The following LMBRD2 variants were observed in gnomAD, a reference collection of about 807,000 sequenced individuals.
The protein encoded by LMBRD2 is G protein-coupled receptor-associated protein LMBRD2.
In LMBRD2, 55 loss-of-function variants were observed where a neutral mutation model predicts 94.4. That is an observed-to-expected ratio of 0.58 (90% confidence interval 0.47 to 0.73). The LOEUF is 0.73. LMBRD2 is among the 30% of genes least tolerant of loss of function. The pLI, the probability that LMBRD2 is intolerant of heterozygous loss-of-function variation, is 0.00. For synonymous variants in LMBRD2, 246 were observed against 272.4 expected (o/e 0.90, Z 0.95); for missense variants, 640 against 831.9 (o/e 0.77, Z 2.84).
intron 6 of LMBRD2, among the ~76,000 whole-genome samples, chr5:36,132,298 A>T (rs1744173542): frequency 6.6e-6 from 1 of 152,120 alleles, no homozygotes; most frequent in Non-Finnish European, 1.5e-5. Flanking sequence ...CCCCATATAT[A>T]AAAATCAAAT....
At chr5:36,139,460 C>T (rs750491937) in intron 4 of LMBRD2, among the ~76,000 whole-genome samples, 7 of 152,160 alleles carry the variant, frequency 4.6e-5, no homozygotes, top group East Asian at 3.9e-4. Context: ...GGCAGGTCCC[C>T]GGTGAAGCCC....
intron 16 of LMBRD2, among the ~76,000 whole-genome samples, chr5:36,105,521 A>G (rs1321484186): frequency 2.6e-5 from 4 of 152,154 alleles, no homozygotes; most frequent in Admixed American, 6.5e-5. Context: ...TTTATTAACA[A>G]AAGTAGTTTG....
At chr5:36,133,775 G>A (rs1489638814) in intron 6 of LMBRD2, among the ~76,000 whole-genome samples, 1 of 151,964 alleles carries the variant, frequency 6.6e-6, no homozygotes, top group East Asian at 1.9e-4. Context: ...TCCAATGCTG[G>A]TCCTTAATTT....
chr5:36,134,377 G>A (rs1744221460), intron 6 of LMBRD2, among the ~76,000 whole-genome samples: 1 of 152,042 alleles, frequency 6.6e-6, no homozygotes, highest in African/African-American at 2.4e-5. Flanking sequence ...TTAAGAGTCT[G>A]GACAATCAGG....
At chr5:36,135,378 C>CTTGAT (rs1744247370) in intron 6 of LMBRD2, among the ~76,000 whole-genome samples, 1 of 152,112 alleles carries the variant, frequency 6.6e-6, no homozygotes, top group African/African-American at 2.4e-5. Flanking sequence ...ATAATTATCA[C>CTTGAT]CATTACTAAG....
intron 12 of LMBRD2, among the ~76,000 whole-genome samples, chr5:36,114,753 A>G (rs960997090): frequency 1.1e-4 from 17 of 152,158 alleles, no homozygotes; most frequent in African/African-American, 3.4e-4. Flanking sequence ...ATTGACTACA[A>G]ATATAAAGTT....
At chr5:36,150,981 TTCA>T (rs1196706368) in intron 1 of LMBRD2, among the ~76,000 whole-genome samples, 1 of 152,214 alleles carries the variant, frequency 6.6e-6, no homozygotes, top group Admixed American at 6.5e-5. Flanking sequence ...TTTATAAATC[TTCA>T]TTTTTATGAG....
At chr5:36,122,673 G>A (rs528684010) in intron 8 of LMBRD2, among the ~76,000 whole-genome samples, 175 bp downstream of exon 8, 1 of 152,208 alleles carries the variant, frequency 6.6e-6, no homozygotes, top group East Asian at 1.9e-4. Context: ...CTCCCCAAAC[G>A]CCAATAATAC....
intron 6 of LMBRD2, among the ~76,000 whole-genome samples, chr5:36,125,263 T>C (rs148059110): frequency 6.6e-6 from 1 of 152,288 alleles, no homozygotes; most frequent in East Asian, 1.9e-4. Context: ...AAATAGCATG[T>C]TCACAGCCTG....
At chr5:36,110,142 G>A (rs1452229227) in intron 14 of LMBRD2, 151 bp from the exon 15 acceptor site, 6 of 605,556 alleles carry the variant, frequency 9.9e-6, no homozygotes, top group Non-Finnish European at 1.4e-5. Context: ...GAATTTGAGA[G>A]GTTACCTTAC....
Position 36,143,379 on chromosome 5 carries a change from G to C in LMBRD2, c.-30C>G, listed in dbSNP as rs754018997. The C allele has an allele frequency of 6.4e-7, 1 of 1,572,728 alleles. No individual in the cohort carries two copies. Among genetic ancestry groups the C allele is most frequent in the Non-Finnish European group, 8.7e-7 (1 of 1,146,772 alleles). On this transcript the variant is annotated 5_prime_UTR_variant, in exon 2 of 18. Coordinates refer to ENST00000296603, the MANE Select transcript of LMBRD2 (RefSeq NM_001007527.2). Reference sequence around the variant, plus strand: ...GAATATTTCACTCTGACTAACCAAAGTTATTCATGTACAGGTCTGGACCAT... The same window carrying C: ...GAATATTTCACTCTGACTAACCAAACTTATTCATGTACAGGTCTGGACCAT...
Position 36,115,068 on chromosome 5 carries a change from G to T in LMBRD2, c.1489C>A (p.His497Asn). 1 of 1,612,094 alleles carries T rather than the reference G, an allele frequency of 6.2e-7. No homozygotes were observed. Among genetic ancestry groups the T allele is most frequent in the Non-Finnish European group, 8.5e-7 (1 of 1,178,912 alleles). Residue 497 changes from histidine to asparagine, a missense_variant, in exon 12 of 18, where the codon CAT (histidine) becomes AAT (asparagine). By Grantham distance (68) the His-to-Asn change is moderately conservative. Around this residue, in one of 2 missense-constraint regions of LMBRD2, gnomAD observed 457 missense variants for 642.8 expected, o/e 0.71. Coordinates refer to ENST00000296603, the MANE Select transcript of LMBRD2 (RefSeq NM_001007527.2). ...TTGTGAGAGATAGATGAATCCATAT[G>T]GGTCAAACCCAAGAAATTAAGACAT... ...PLCLNFLGLTHMDSSISHKNT... is the reference protein window; with the variant it reads ...PLCLNFLGLTNMDSSISHKNT...
At chr5:36,138,564 C>T (rs1744327359) in intron 4 of LMBRD2, among the ~76,000 whole-genome samples, 1 of 152,186 alleles carries the variant, frequency 6.6e-6, no homozygotes. Context: ...GATGACTACA[C>T]AGGGAAGCGT....
In LMBRD2 at chr5:36,099,268, A is replaced by C. The variant is rs928488709; in HGVS notation, c.*4778T>G. The C allele has an allele frequency of 1.3e-5, 2 of 152,088 alleles. No homozygotes were observed. The highest frequency in any genetic ancestry group is 6.6e-5 in the Admixed American group (1 of 15,264). 9.4% of individuals were successfully genotyped at this position (152,088 alleles called of 1,614,324 possible). A position where few individuals can be genotyped will look rare whatever the true frequency, so the allele number is the denominator to read the frequency against. Reference sequence around the variant, plus strand: ...AGTTACTTACAAAAACATTTATAAAAATTAAATATCAGAAAGTGAGAACAT... The same window carrying C: ...AGTTACTTACAAAAACATTTATAAACATTAAATATCAGAAAGTGAGAACAT... On this transcript the variant is annotated 3_prime_UTR_variant, in exon 18 of 18. Transcript: ENST00000296603.
chr5:36,122,571 G>C (rs1255830513), intron 8 of LMBRD2, 108 bp from the exon 9 acceptor site: 1 of 975,128 alleles, frequency 1.0e-6, no homozygotes, highest in African/African-American at 1.7e-5. Flanking sequence ...AAGTGCTAGG[G>C]CATTTACTGG....
In LMBRD2 at chr5:36,102,008, A is replaced by G. The variant is rs903851254; in HGVS notation, c.*2038T>C. On this transcript the variant is annotated 3_prime_UTR_variant, in exon 18 of 18. Coordinates refer to ENST00000296603, the MANE Select transcript of LMBRD2 (RefSeq NM_001007527.2). ...ATTTCATGACAAAACCTGATGAGAA[A>G]CATTATACTTAAGAAATTATTCCAA... 1 of 151,924 alleles carries G rather than the reference A, an allele frequency of 6.6e-6. No homozygotes were observed. The highest frequency in any genetic ancestry group is 2.4e-5 in the African/African-American group (1 of 41,436). The allele number at this position is 151,924 out of a possible 1,614,324, so 9.4% of individuals were successfully genotyped here. A position where few individuals can be genotyped will look rare whatever the true frequency, so the allele number is the denominator to read the frequency against.
intron 1 of LMBRD2, among the ~76,000 whole-genome samples, chr5:36,146,974 G>A (rs1204607994): frequency 6.7e-6 from 1 of 150,278 alleles, no homozygotes; most frequent in Non-Finnish European, 1.5e-5. Context: ...GTGTGTGTGT[G>A]TGTGTGTCTG....
At chr5:36,141,308 A>G (rs1373393996) in intron 3 of LMBRD2, 106 bp from the exon 4 acceptor site, 1 of 620,504 alleles carries the variant, frequency 1.6e-6, no homozygotes, top group Non-Finnish European at 2.8e-6. Flanking sequence ...ATTTTAAATT[A>G]CTGACTCTAA....
At chr5:36,142,716 C>CTTT (rs878956939) in intron 2 of LMBRD2, 117 bp from the exon 3 acceptor site, 67 of 393,382 alleles carry the variant, frequency 1.7e-4, no homozygotes, top group East Asian at 2.4e-4. Flanking sequence ...ATGCTTTATT[C>CTTT]TTTTTTTTTT....
Sources: gnomAD v4.1 joint callset for allele counts (sites outside exome capture counted in the v4.1 genomes callset) on GRCh38, gnomAD v4.1.1 for gene constraint, gnomAD v4.1.1 regional missense constraint, MANE v1.5 for transcripts, NCBI Gene and HGNC (gene_info 2026-07-23, HGNC 2026-07-21) for gene names.